Variants in XRCC4 observed in about 807,000 individuals in gnomAD.
XRCC4 encodes the protein DNA repair protein XRCC4.
XRCC4 carries 28 observed loss-of-function variants against 39.1 expected under a neutral mutation model. The ratio of observed to expected loss-of-function variants is 0.72; its 90% CI spans 0.53 to 0.98. XRCC4 has a LOEUF of 0.98. XRCC4 is among the 50% of genes least tolerant of loss of function. The probability of loss-of-function intolerance (pLI) is 0.00; values close to 1 mark genes in which losing one functional copy is unlikely to be tolerated. For missense variants in XRCC4, 350 were observed against 376.4 expected (o/e 0.93, Z 0.58); for synonymous variants, 123 against 126.4 (o/e 0.97, Z 0.18).
intron 4 of XRCC4, among the ~76,000 whole-genome samples, chr5:83,202,352 G>C (rs1751239460): frequency 6.6e-6 from 1 of 152,190 alleles, no homozygotes; most frequent in Non-Finnish European, 1.5e-5. Flanking sequence ...CACACATGCT[G>C]TCTGCTTTCG....
intron 3 of XRCC4, among the ~76,000 whole-genome samples, chr5:83,131,504 T>A (rs915888666): frequency 6.6e-6 from 1 of 152,156 alleles, no homozygotes; most frequent in Non-Finnish European, 1.5e-5. Context: ...CCTTATTGTG[T>A]GGGAATCTAA....
intron 7 of XRCC4, among the ~76,000 whole-genome samples, chr5:83,308,901 T>A (rs1755582298): frequency 6.6e-6 from 1 of 152,140 alleles, no homozygotes; most frequent in Non-Finnish European, 1.5e-5. Flanking sequence ...ATTTTTATAC[T>A]CGTGTAGGAA....
At position 83,203,702 on chromosome 5, in the gene XRCC4, A is replaced by G; in HGVS notation, c.633A>G (p.Gln211=). Residue 211 remains glutamine, a synonymous_variant, in exon 5 of 8, where the codon CAA becomes CAG. Coordinates refer to ENST00000396027, the MANE Select transcript of XRCC4 (RefSeq NM_003401.5). ...AAGAACGAGAAAAGGACATCAAACA[A>G]GAAGGGTATTTTCGCTATCTTGTTT... ...AAQEREKDIK[Q]EGETAICSEM... The G allele has an allele frequency of 6.2e-7, 1 of 1,608,404 alleles. No individual in the cohort carries two copies. The highest frequency in any genetic ancestry group is 8.5e-7 in the Non-Finnish European group (1 of 1,178,058).
intron 1 of XRCC4, among the ~76,000 whole-genome samples, chr5:83,085,439 C>T (rs915313764): frequency 1.1e-4 from 16 of 151,006 alleles, no homozygotes; most frequent in East Asian, 1.9e-4. Flanking sequence ...TCTGTCTAAA[C>T]GTTGGGGCAC....
At chr5:83,295,910 T>C (rs1234574022) in intron 7 of XRCC4, among the ~76,000 whole-genome samples, 1 of 152,036 alleles carries the variant, frequency 6.6e-6, no homozygotes, top group Non-Finnish European at 1.5e-5. Context: ...AGAAGATCAC[T>C]TTTTCTACTC....
chr5:83,226,964 T>C (rs1752314400), intron 6 of XRCC4, among the ~76,000 whole-genome samples: 1 of 152,110 alleles, frequency 6.6e-6, no homozygotes, highest in South Asian at 2.1e-4. Context: ...TTTCTGGGAA[T>C]TTCATTACAT....
intron 6 of XRCC4, among the ~76,000 whole-genome samples, chr5:83,226,153 T>C (rs1580393870): frequency 2.0e-5 from 3 of 152,256 alleles, no homozygotes; most frequent in Non-Finnish European, 4.4e-5. Context: ...ATATATGTGC[T>C]AGTTCCCTCT....
Position 83,148,121 on chromosome 5 carries a change from TTTTAA to T in XRCC4, c.315+36923_315+36927del, listed in dbSNP as rs527448527. 2.9e-4 allele frequency among the ~76,000 whole-genome samples: 44 copies of T among 152,276 alleles called. 1 individual carries two copies. The South Asian group carries it at 8.9e-3, about 31-fold the overall frequency. ...CGATAAATTCATCAACTTTAATCAG[TTTTAA>T]TTTATCAATTAAAAATTAATTGATT... is the stretch of plus-strand genomic sequence containing the variant. On this transcript the variant is annotated intron_variant, in intron 3 of 7. Transcript: ENST00000396027.
intron 3 of XRCC4, among the ~76,000 whole-genome samples, chr5:83,182,211 A>G (rs1253538979): frequency 6.6e-6 from 1 of 152,122 alleles, no homozygotes; most frequent in African/African-American, 2.4e-5. Context: ...TACTCAGCAT[A>G]TTTAATACCC....
intron 3 of XRCC4, among the ~76,000 whole-genome samples, chr5:83,173,385 T>C (rs75910982): frequency 0.015 from 2,285 of 152,312 alleles, 54 homozygotes; most frequent in African/African-American, 0.051. Context: ...TTATAACATT[T>C]CTCATACTAT....
intron 7 of XRCC4, among the ~76,000 whole-genome samples, chr5:83,331,158 C>A (rs1366168631): frequency 6.6e-6 from 1 of 152,126 alleles, no homozygotes; most frequent in East Asian, 1.9e-4. Context: ...TTTAAAGAGT[C>A]TCTCTGAAGC....
At chr5:83,235,978 A>G (rs1233486722) in intron 6 of XRCC4, among the ~76,000 whole-genome samples, 1 of 152,132 alleles carries the variant, frequency 6.6e-6, no homozygotes, top group Non-Finnish European at 1.5e-5. Context: ...GGTAGCTACA[A>G]ATGAAATAAA....
chr5:83,258,305 G>C (rs1256450800), intron 6 of XRCC4, among the ~76,000 whole-genome samples: 1 of 152,064 alleles, frequency 6.6e-6, no homozygotes, highest in African/African-American at 2.4e-5. Context: ...AGATCATTTT[G>C]ATCAAATTAT....
intron 6 of XRCC4, among the ~76,000 whole-genome samples, chr5:83,249,100 A>G (rs1753216013): frequency 6.6e-6 from 1 of 152,156 alleles, no homozygotes; most frequent in Non-Finnish European, 1.5e-5. Flanking sequence ...TTTTTATACC[A>G]GAAGTAACCA....
intron 3 of XRCC4, among the ~76,000 whole-genome samples, chr5:83,152,810 C>T (rs1748777266): frequency 6.6e-6 from 1 of 152,064 alleles, no homozygotes; most frequent in Admixed American, 6.6e-5. Flanking sequence ...GTGTACTTTA[C>T]CCAGTTTCCC....
intron 6 of XRCC4, among the ~76,000 whole-genome samples, chr5:83,242,401 C>T (rs1342961664): frequency 2.6e-5 from 4 of 151,986 alleles, no homozygotes; most frequent in African/African-American, 9.7e-5. Flanking sequence ...AACAAATAAA[C>T]AAGAAATATT....
intron 3 of XRCC4, among the ~76,000 whole-genome samples, chr5:83,189,754 C>T (rs1750611248): frequency 6.6e-6 from 1 of 152,090 alleles, no homozygotes; most frequent in Non-Finnish European, 1.5e-5. Flanking sequence ...TTGTGATGTT[C>T]TTTATTTAAA....
At position 83,167,796 on chromosome 5, in the gene XRCC4, A is replaced by G. The variant is rs370871578; in HGVS notation, c.316-27974A>G. On this transcript the variant is annotated intron_variant, in intron 3 of 7. Coordinates refer to ENST00000396027, the MANE Select transcript of XRCC4 (RefSeq NM_003401.5). The stretch of plus-strand genomic sequence containing the variant: ...AGCTAAGGCAAAGCCTGCACAGATG[A>G]GAATCTTATGGAAAGAATACCCCCT... 1.2e-4 allele frequency among the ~76,000 whole-genome samples: 19 copies of G among 152,352 alleles called. No homozygotes were observed. In the East Asian group the frequency reaches 3.5e-3, roughly 28 times the overall value.
the XRCC4 span, among the ~76,000 whole-genome samples, chr5:83,370,549 T>C: frequency 6.6e-6 from 1 of 152,186 alleles, no homozygotes; most frequent in African/African-American, 2.4e-5. Context: ...TGTTTCTGCT[T>C]TTTAGAAATG....
Sources: allele counts gnomAD v4.1 joint callset (sites outside exome capture counted in the v4.1 genomes callset), GRCh38; gene constraint gnomAD v4.1.1; transcripts MANE v1.5; gene names NCBI Gene and HGNC (gene_info 2026-07-23, HGNC 2026-07-21).